ACOT11: variants seen among roughly 807,000 people sequenced by gnomAD.
The protein encoded by ACOT11 is acyl-coenzyme A thioesterase 11.
ACOT11 carries 69 observed loss-of-function variants against 77.5 expected under a neutral mutation model. The ratio of observed to expected loss-of-function variants is 0.89; its 90% CI spans 0.73 to 1.09. The LOEUF is 1.09. Among genes scored for constraint, ACOT11 ranks in the 50% least tolerant of loss-of-function variants. The pLI, the probability that ACOT11 is intolerant of heterozygous loss-of-function variation, is 0.00. For synonymous variants in ACOT11, 279 were observed against 313.0 expected (o/e 0.89, Z 1.15); for missense variants, 766 against 813.7 (o/e 0.94, Z 0.71).
chr1:54,580,763 G>A (rs924254368), intron 1 of ACOT11, among the ~76,000 whole-genome samples: 1 of 152,240 alleles, frequency 6.6e-6, no homozygotes, highest in South Asian at 2.1e-4. Context: ...TACCCAGCTT[G>A]GTCAGTGCCA....
At chr1:54,587,550 CTT>C (rs33913350) in intron 3 of ACOT11, among the ~76,000 whole-genome samples, 5 of 73,564 alleles carry the variant, frequency 6.8e-5, no homozygotes, top group Middle Eastern at 0.012. Flanking sequence ...GTTTGTAATC[CTT>C]TTTTTTTTTT....
intron 15 of ACOT11, among the ~76,000 whole-genome samples, chr1:54,616,655 GA>G (rs1390066392): frequency 2.0e-5 from 3 of 152,178 alleles, no homozygotes; most frequent in Non-Finnish European, 4.4e-5. Flanking sequence ...TTACAGGCGT[GA>G]GCCACCGTGC....
intron 3 of ACOT11, among the ~76,000 whole-genome samples, chr1:54,589,073 G>T (rs1407190271): frequency 6.6e-6 from 1 of 152,118 alleles, no homozygotes; most frequent in Non-Finnish European, 1.5e-5. Context: ...CCGGAGTGCA[G>T]TGGTGCAATT....
intron 1 of ACOT11, chr1:54,573,010 A>G (rs1483750379): frequency 2.0e-6 from 2 of 985,324 alleles, no homozygotes; most frequent in Non-Finnish European, 2.4e-6. Context: ...AGTGTTCTGG[A>G]AAGTGCCTTG....
At chr1:54,552,233 C>T (rs1425609212) in intron 1 of ACOT11, among the ~76,000 whole-genome samples, 1 of 152,088 alleles carries the variant, frequency 6.6e-6, no homozygotes, top group African/African-American at 2.4e-5. Flanking sequence ...GGCAGGGTCC[C>T]GTCTCTCTTG....
chr1:54,608,124 G>A (rs1030863182), intron 15 of ACOT11, 56 bp downstream of exon 15: 32 of 1,565,010 alleles, frequency 2.0e-5, no homozygotes, highest in Admixed American at 1.4e-4. Context: ...AACACCACAC[G>A]TGTATTGAGC....
intron 9 of ACOT11, 84 bp from the exon 10 acceptor site, chr1:54,602,585 G>T: frequency 7.6e-7 from 1 of 1,315,988 alleles, no homozygotes. Flanking sequence ...TAGGGCTGCA[G>T]GAACTCCTTG....
At chr1:54,620,522 A>G (rs907614545) in intron 15 of ACOT11, among the ~76,000 whole-genome samples, 2 of 151,842 alleles carry the variant, frequency 1.3e-5, no homozygotes, top group African/African-American at 4.8e-5. Context: ...CCTGGCCAAC[A>G]TGGTGAAACC....
intron 4 of ACOT11, 91 bp from the exon 5 acceptor site, chr1:54,593,850 C>A: frequency 2.7e-6 from 3 of 1,095,118 alleles, no homozygotes; most frequent in Non-Finnish European, 2.7e-6. Flanking sequence ...CTGGCCTGGG[C>A]TGGGACTTGC....
At chr1:54,603,979 G>A (rs755030341) in intron 11 of ACOT11, 42 bp downstream of exon 11, 134 of 1,588,176 alleles carry the variant, frequency 8.4e-5, no homozygotes, top group Non-Finnish European at 2.7e-5. Context: ...CAGACCCACC[G>A]GGCCCCCACC....
In ACOT11 at chr1:54,593,958, C is replaced by G. The variant is rs750710661; in HGVS notation, c.390C>G (p.Ala130=). The G allele has an allele frequency of 3.1e-6, 5 of 1,614,128 alleles. No homozygotes were observed. Among genetic ancestry groups the G allele is most frequent in the Non-Finnish European group, 4.2e-6 (5 of 1,179,990 alleles). ...NSSMEVGIQV[A]SEDLCSEKQW... ...CTCTCCAGGTGGGCATCCAGGTGGC[C>G]TCGGAGGACCTGTGCTCTGAGAAGC... The change falls in exon 5 of 16, where the codon GCC becomes GCG. Residue 130 remains alanine, a synonymous_variant. Transcript: ENST00000343744.
intron 1 of ACOT11, among the ~76,000 whole-genome samples, chr1:54,574,234 C>T (rs547543021): frequency 4.6e-5 from 7 of 152,264 alleles, no homozygotes; most frequent in East Asian, 3.9e-4. Context: ...CCAAACAATA[C>T]GGAGGAGCTG....
Position 54,607,868 on chromosome 1 carries a change from T to G in ACOT11, c.1503-74T>G. 1.9e-6 allele frequency: 3 copies of G among 1,587,606 alleles called. No homozygotes were observed. The highest frequency in any genetic ancestry group is 2.6e-6 in the Non-Finnish European group (3 of 1,163,068). On this transcript the variant is annotated intron_variant, in intron 14 of 15. Coordinates refer to ENST00000343744, the MANE Select transcript of ACOT11 (RefSeq NM_147161.4). This position sits in a 1 kb window ranked among gnomAD's most constrained non-coding sequence, Gnocchi z 4.5. The stretch of plus-strand genomic sequence containing the variant: ...TGCTAGAGGGGGCAGGGTCTCGGCC[T>G]TGGTTGGGCAGAACAGGCCCCCACT...
At chr1:54,614,417 G>A (rs541557143), downstream of ACOT11, among the ~76,000 whole-genome samples, 74 of 133,888 alleles carry the variant, frequency 5.5e-4, no homozygotes, top group African/African-American at 1.6e-3. Flanking sequence ...TGAAGTCAGG[G>A]CTGTGTTAGA....
In ACOT11 at chr1:54,592,141, G is replaced by A. The variant is rs527966049; in HGVS notation, c.312-405G>A. ...AGCTTAAGAACTGTGGGAGACAGAG[G>A]TCACTCTGCCAGGAGAGTGCCGCAG... On this transcript the variant is annotated intron_variant, in intron 3 of 15. Coordinates refer to ENST00000343744, the MANE Select transcript of ACOT11 (RefSeq NM_147161.4). 2.4e-4 allele frequency among the ~76,000 whole-genome samples: 37 copies of A among 152,306 alleles called. No individual in the cohort carries two copies. In the Middle Eastern group the frequency reaches 0.01, roughly 42 times the overall value.
At chr1:54,590,335 G>A (rs1247725711) in intron 3 of ACOT11, among the ~76,000 whole-genome samples, 1 of 151,974 alleles carries the variant, frequency 6.6e-6, no homozygotes, top group Non-Finnish European at 1.5e-5. Flanking sequence ...TTCATGGGGG[G>A]TCGCTTGTCT....
chr1:54,616,653 G>A (rs751173792), intron 15 of ACOT11, among the ~76,000 whole-genome samples: 6 of 152,128 alleles, frequency 3.9e-5, no homozygotes, highest in South Asian at 2.1e-4. Context: ...GATTACAGGC[G>A]TGAGCCACCG....
At chr1:54,603,811 A>C in intron 10 of ACOT11, 60 bp from the exon 11 acceptor site, 1 of 1,495,228 alleles carries the variant, frequency 6.7e-7, no homozygotes, top group Non-Finnish European at 9.3e-7. Context: ...CCTGCAGTAG[A>C]GTCTGTGGAA....
At chr1:54,594,805 C>T (rs539025445) in intron 6 of ACOT11, 114 bp downstream of exon 6, 2 of 1,418,038 alleles carry the variant, frequency 1.4e-6, no homozygotes, top group Admixed American at 2.4e-5. Context: ...CTTCCACCCA[C>T]TGGTGGCCCT....
Sources: gnomAD v4.1 joint callset for allele counts (sites outside exome capture counted in the v4.1 genomes callset) on GRCh38, gnomAD v4.1.1 for gene constraint, Gnocchi (gnomAD v3.1) non-coding constraint, MANE v1.5 for transcripts, NCBI Gene and HGNC (gene_info 2026-07-23, HGNC 2026-07-21) for gene names.